UBE2W: variants seen among roughly 807,000 people sequenced by gnomAD.
The protein encoded by UBE2W is ubiquitin-conjugating enzyme E2 W.
A neutral mutation model predicts 27.2 loss-of-function variants in UBE2W; 18 were observed. The ratio of observed to expected loss-of-function variants is 0.66; its 90% CI spans 0.46 to 0.98. UBE2W has a LOEUF of 0.98. Among genes scored for constraint, UBE2W ranks in the 50% least tolerant of loss-of-function variants. UBE2W has a pLI of 0.00. For synonymous variants in UBE2W, 53 were observed against 57.2 expected, an observed-to-expected ratio of 0.93 and a Z score of 0.33; for missense variants, 90 against 180.2, an observed-to-expected ratio of 0.50 and a Z score of 2.87.
chr8:73,789,244 G>A lies in UBE2W; in HGVS notation c.*4858C>T. 4 of 932,096 alleles carry A rather than the reference G, an allele frequency of 4.3e-6. No individual in the cohort carries two copies. The highest frequency in any genetic ancestry group is 5.1e-6 in the Non-Finnish European group (4 of 789,708). The allele number at this position is 932,096 out of a possible 1,614,324, so 57.7% of individuals were successfully genotyped here. A position where few individuals can be genotyped will look rare whatever the true frequency, so the allele number is the denominator to read the frequency against. ...CCAGCATTTTGGGAGGCTGAGGCAG[G>A]AGGAATGCTTGAGCCCAGGAATTCA... On this transcript the variant is annotated 3_prime_UTR_variant, in exon 6 of 6. Transcript: ENST00000602593.
intron 1 of UBE2W, among the ~76,000 whole-genome samples, chr8:73,864,705 T>C (rs1435115899): frequency 1.7e-5 from 2 of 120,594 alleles, no homozygotes; most frequent in Non-Finnish European, 3.2e-5. Context: ...GCCTCCCGAG[T>C]AGCTGGGATT....
At chr8:73,801,666 A>C (rs992486444) in intron 5 of UBE2W, among the ~76,000 whole-genome samples, 1 of 152,162 alleles carries the variant, frequency 6.6e-6, no homozygotes, top group Non-Finnish European at 1.5e-5. Flanking sequence ...AGTTTCTGAC[A>C]CTCAAGGATT....
chr8:73,873,778 C>A (rs553932954), intron 1 of UBE2W, among the ~76,000 whole-genome samples: 2 of 152,324 alleles, frequency 1.3e-5, no homozygotes, highest in Non-Finnish European at 1.5e-5. Flanking sequence ...TCCATCCCTA[C>A]AAATTGACAG....
At chr8:73,797,523 G>T (rs1808472675) in intron 5 of UBE2W, among the ~76,000 whole-genome samples, 3 of 152,152 alleles carry the variant, frequency 2.0e-5, no homozygotes, top group African/African-American at 4.8e-5. Context: ...TTTAGTAAAT[G>T]GTTTTATAAC....
Position 73,792,328 on chromosome 8 carries a change from T to C in UBE2W, c.*1774A>G. ...CAGTATATAAACAGTGTCCACAATT[T>C]GGTGGCTGGCCACGGTTTTAATTTT... On this transcript the variant is annotated 3_prime_UTR_variant, in exon 6 of 6. Coordinates refer to ENST00000602593, the MANE Select transcript of UBE2W (RefSeq NM_018299.6). 1.0e-6 allele frequency: 1 copy of C among 985,398 alleles called. No homozygotes were observed. Among genetic ancestry groups the C allele is most frequent in the Non-Finnish European group, 1.2e-6 (1 of 829,768 alleles). 61.0% of individuals were successfully genotyped at this position (985,398 alleles called of 1,614,324 possible).
rs1043404188 is a variant in UBE2W, at chr8:73,806,472, G to A, written c.367-746C>T. Reference sequence around the variant, plus strand: ...CCCAGCACTTTGGGAGGCCGAGGCGGGTGGATCACGAGGCCAGGAGATCGA... The same window carrying A: ...CCCAGCACTTTGGGAGGCCGAGGCGAGTGGATCACGAGGCCAGGAGATCGA... On this transcript the variant is annotated intron_variant, in intron 4 of 5. Coordinates refer to ENST00000602593, the MANE Select transcript of UBE2W (RefSeq NM_018299.6). Among the ~76,000 whole-genome samples, 57 of 151,488 alleles carry A rather than the reference G, an allele frequency of 3.8e-4. 1 individual carries two copies. Among genetic ancestry groups the A allele is most frequent in the Non-Finnish European group, 4.4e-5 (3 of 67,922 alleles).
At chr8:73,782,102 G>C (rs528669410), downstream of UBE2W, among the ~76,000 whole-genome samples, 74 of 145,074 alleles carry the variant, frequency 5.1e-4, no homozygotes, top group Middle Eastern at 3.4e-3. Flanking sequence ...CACTAGGCCC[G>C]GCTAATTTTT....
chr8:73,864,200 C>T (rs547184951), intron 1 of UBE2W, among the ~76,000 whole-genome samples: 5 of 152,102 alleles, frequency 3.3e-5, no homozygotes, highest in East Asian at 1.9e-4. Flanking sequence ...TCAAGACCAG[C>T]GTGGCCAACA....
chr8:73,838,988 C>T (rs559397650), intron 1 of UBE2W, among the ~76,000 whole-genome samples: 69 of 152,302 alleles, frequency 4.5e-4, no homozygotes, highest in African/African-American at 1.4e-3. Context: ...GATTCTGTAT[C>T]TGGGGCCCTT....
intron 1 of UBE2W, among the ~76,000 whole-genome samples, chr8:73,847,126 G>A (rs998033154): frequency 5.3e-5 from 8 of 152,216 alleles, no homozygotes; most frequent in African/African-American, 1.7e-4. Flanking sequence ...CCAAGATTGC[G>A]CCACCGCATT....
At position 73,878,330 on chromosome 8, in the gene UBE2W, T is replaced by C. The variant is rs1812325157; in HGVS notation, c.15+478A>G. Among the ~76,000 whole-genome samples, 4 of 152,172 alleles carry C rather than the reference T, an allele frequency of 2.6e-5. No individual in the cohort carries two copies. The South Asian group carries it at 6.2e-4, about 24-fold the overall frequency. On this transcript the variant is annotated intron_variant, in intron 1 of 5. Coordinates refer to ENST00000602593, the MANE Select transcript of UBE2W (RefSeq NM_018299.6). The stretch of plus-strand genomic sequence containing the variant: ...CCGGAGCAGAGGCCGCTAAGCGCCG[T>C]CCGCAGCCAGCCGCCTTCTCCGGAG...
intron 1 of UBE2W, among the ~76,000 whole-genome samples, chr8:73,871,985 C>T (rs772802039): frequency 2.6e-5 from 4 of 152,110 alleles, no homozygotes; most frequent in Non-Finnish European, 5.9e-5. Flanking sequence ...CTCGAACTCC[C>T]TGAGCTCAGG....
chr8:73,820,807 C>T (rs7826983), intron 3 of UBE2W, among the ~76,000 whole-genome samples: 141,752 of 152,068 alleles, frequency 0.93, 66,142 homozygotes, highest in African/African-American at 0.98. Flanking sequence ...AAAACCAAGC[C>T]AGGCATGGCG....
intron 1 of UBE2W, among the ~76,000 whole-genome samples, chr8:73,846,012 G>A (rs1047494116): frequency 1.4e-4 from 22 of 152,228 alleles, no homozygotes; most frequent in Admixed American, 9.8e-4. Context: ...GGACAGATCT[G>A]AGATGAAAGA....
chr8:73,783,113 T>C (rs1807872172), downstream of UBE2W, among the ~76,000 whole-genome samples: 1 of 152,220 alleles, frequency 6.6e-6, no homozygotes. Context: ...CATTACTTCA[T>C]TGGGTTTTGT....
chr8:73,792,228 T>A lies in UBE2W; in HGVS notation c.*1874A>T, dbSNP rs1808234478. The A allele has an allele frequency of 1.0e-6, 1 of 985,630 alleles. No homozygotes were observed. The allele number at this position is 985,630 out of a possible 1,614,324, so 61.1% of individuals were successfully genotyped here. ...GGCCAACTAATAAAACTGACAGAGA[T>A]CATTGTGAGAATTTATCTAGTCAAG... On this transcript the variant is annotated 3_prime_UTR_variant, in exon 6 of 6. Coordinates refer to ENST00000602593, the MANE Select transcript of UBE2W (RefSeq NM_018299.6).
rs561396224 is a variant in UBE2W at position 73,810,441 on chromosome 8, G to A, written c.366+33C>T. 5 of 1,579,478 alleles carry A rather than the reference G, an allele frequency of 3.2e-6. 1 individual carries two copies. The South Asian group carries it at 5.8e-5, about 18-fold the overall frequency. On this transcript the variant is annotated intron_variant, in intron 4 of 5. Coordinates refer to ENST00000602593, the MANE Select transcript of UBE2W (RefSeq NM_018299.6). ...ATTTATCTACCTAACTGAAAGAAGA[G>A]ATATTATCTGGAATAATTCTGAAAA...
At chr8:73,866,286 AAAAAATATAT>A (rs1461848648) in intron 1 of UBE2W, among the ~76,000 whole-genome samples, 5 of 89,752 alleles carry the variant, frequency 5.6e-5, no homozygotes, top group East Asian at 2.7e-4. Context: ...AAAAAAAAAA[AAAAAATATAT>A]ATATATATAT....
intron 3 of UBE2W, among the ~76,000 whole-genome samples, chr8:73,821,018 A>G (rs746378337): frequency 1.3e-5 from 2 of 152,202 alleles, no homozygotes; most frequent in Non-Finnish European, 2.9e-5. Context: ...AGAATAACTG[A>G]CCTAGAGCTT....
Sources: gnomAD v4.1 joint callset for allele counts (sites outside exome capture counted in the v4.1 genomes callset) on GRCh38, gnomAD v4.1.1 for gene constraint, MANE v1.5 for transcripts, NCBI Gene and HGNC (gene_info 2026-07-23, HGNC 2026-07-21) for gene names.